The following ARHGAP22 variants were observed in gnomAD, a reference collection of about 807,000 sequenced individuals.
ARHGAP22 encodes the protein rho GTPase-activating protein 22.
ARHGAP22 carries 48 observed loss-of-function variants against 59.1 expected under a neutral mutation model. The ratio of observed to expected loss-of-function variants is 0.81; its 90% confidence interval spans 0.64 to 1.03. The LOEUF is 1.03. Ranked by LOEUF, ARHGAP22 falls within the 50% of genes least tolerant of loss-of-function variation. The pLI, the probability that ARHGAP22 is intolerant of heterozygous loss-of-function variation, is 0.00. For missense variants in ARHGAP22, 1,015 were observed against 958.7 expected (o/e 1.06, Z -0.78); for synonymous variants, 445 against 416.4 (o/e 1.07, Z -0.84).
rs1173999797 is a variant in ARHGAP22 at position 48,451,047 on chromosome 10, C to T, written c.1082G>A (p.Arg361His). ...APVPEGPTSP[R>H]GGLQCAVGWG... is the part of the protein sequence containing the mutation. ...CCCCACTGCGCATTGCAGGCCCCCG[C>T]GCGGGGAGGTGGGCCCTTCCGGGAC... Residue 361 changes from arginine to histidine, a missense_variant, in exon 9 of 10, where the codon CGC (arginine) becomes CAC (histidine). Arg to His is a conservative substitution (Grantham distance 29). Coordinates refer to ENST00000249601, the MANE Select transcript of ARHGAP22 (RefSeq NM_021226.4). 1.2e-5 allele frequency: 19 copies of T among 1,552,414 alleles called. No homozygotes were observed. Among genetic ancestry groups the T allele is most frequent in the Non-Finnish European group, 1.7e-5 (19 of 1,148,072 alleles).
chr10:48,459,062 G>T (rs971438081), intron 5 of ARHGAP22, among the ~76,000 whole-genome samples: 6 of 152,170 alleles, frequency 3.9e-5, no homozygotes, highest in Non-Finnish European at 8.8e-5. Context: ...AGAACTCTAT[G>T]AAAAAACTGC....
intron 4 of ARHGAP22, among the ~76,000 whole-genome samples, chr10:48,474,426 T>C (rs1393398310): frequency 6.6e-6 from 1 of 152,226 alleles, no homozygotes; most frequent in East Asian, 1.9e-4. Context: ...CTTCATTTTA[T>C]TTCATTTTCT....
chr10:48,453,250 G>C, intron 8 of ARHGAP22, 54 bp downstream of exon 8: 1 of 1,608,370 alleles, frequency 6.2e-7, no homozygotes, highest in South Asian at 1.1e-5. Flanking sequence ...CGTGGACCAA[G>C]ATGAGCCCAG....
At chr10:48,505,914 A>C (rs902272928) in intron 3 of ARHGAP22, among the ~76,000 whole-genome samples, 2 of 152,208 alleles carry the variant, frequency 1.3e-5, no homozygotes, top group African/African-American at 4.8e-5. Context: ...CTACCGGCCC[A>C]ATACTCCGTA....
intron 3 of ARHGAP22, among the ~76,000 whole-genome samples, chr10:48,508,462 T>A (rs1414306040): frequency 6.6e-6 from 1 of 152,188 alleles, no homozygotes; most frequent in African/African-American, 2.4e-5. Context: ...GGGGGTCCCA[T>A]CAGCCACTCC....
intron 3 of ARHGAP22, among the ~76,000 whole-genome samples, chr10:48,488,771 G>C (rs1440459826): frequency 6.6e-6 from 1 of 152,240 alleles, no homozygotes; most frequent in Non-Finnish European, 1.5e-5. Context: ...ACCTGGGGTA[G>C]TTTTCCTCAT....
At position 48,450,813 on chromosome 10, in the gene ARHGAP22, G is replaced by A. The variant is rs1406003309; in HGVS notation, c.1316C>T (p.Ser439Leu). ...TGAGCCGCCCCCCTTCGGGCTTCCC[G>A]ATAGGGACCTCGGCTGCCGGAAGGA... ...KSSFRQPRSL[S>L]GSPKGGGSSL... The change falls in exon 9 of 10, where the codon TCG becomes TTG. Residue 439 changes from serine (S) to leucine (L), a missense_variant. By Grantham distance (145) the Ser-to-Leu change is moderately radical. Transcript: ENST00000249601. 3 of 1,583,028 alleles carry A rather than the reference G, an allele frequency of 1.9e-6. No individual in the cohort carries two copies. Among genetic ancestry groups the A allele is most frequent in the African/African-American group, 1.3e-5 (1 of 74,274 alleles).
At chr10:48,603,638 T>C (rs960792783) in intron 1 of ARHGAP22, among the ~76,000 whole-genome samples, 1 of 152,238 alleles carries the variant, frequency 6.6e-6, no homozygotes, top group Non-Finnish European at 1.5e-5. Flanking sequence ...GTCCTATCCC[T>C]TGGGTCATCA....
At position 48,451,037 on chromosome 10, in the gene ARHGAP22, C is replaced by G; in HGVS notation, c.1092G>C (p.Leu364=). ...PEGPTSPRGG[L]QCAVGWGSEE... ...CGGAGCCCCACCCCACTGCGCATTG[C>G]AGGCCCCCGCGCGGGGAGGTGGGCC... Residue 364 remains leucine (L), a synonymous_variant, in exon 9 of 10, where the codon CTG becomes CTC. Transcript: ENST00000249601. 1 of 1,553,054 alleles carries G rather than the reference C, an allele frequency of 6.4e-7. No homozygotes were observed. Among genetic ancestry groups the G allele is most frequent in the Non-Finnish European group, 8.7e-7 (1 of 1,148,414 alleles).
intron 4 of ARHGAP22, among the ~76,000 whole-genome samples, chr10:48,472,269 A>G (rs2048305709): frequency 6.6e-6 from 1 of 151,574 alleles, no homozygotes; most frequent in Non-Finnish European, 1.5e-5. Context: ...CATGCCTGTA[A>G]TCCCAGCACT....
intron 3 of ARHGAP22, among the ~76,000 whole-genome samples, chr10:48,526,491 C>G (rs772298094): frequency 6.6e-6 from 1 of 152,210 alleles, no homozygotes; most frequent in Non-Finnish European, 1.5e-5. Context: ...GACCTGACTT[C>G]TGGTTGCTGC....
chr10:48,606,022 C>A (rs1377009649), upstream of ARHGAP22, among the ~76,000 whole-genome samples: 1 of 152,162 alleles, frequency 6.6e-6, no homozygotes, highest in East Asian at 1.9e-4. Context: ...CGGTGACCTG[C>A]CTCTGTGCCC....
chr10:48,451,453 G>A (rs1232194031), intron 8 of ARHGAP22: 3 of 702,722 alleles, frequency 4.3e-6, no homozygotes, highest in Non-Finnish European at 7.8e-6. Flanking sequence ...TGCACGGTGA[G>A]CAGGTGGCAG....
intron 8 of ARHGAP22, 45 bp downstream of exon 8, chr10:48,453,259 A>G (rs1000775754): frequency 4.3e-6 from 7 of 1,610,018 alleles, no homozygotes; most frequent in Non-Finnish European, 5.9e-6. Flanking sequence ...AGATGAGCCC[A>G]GACCCCGGCA....
intron 1 of ARHGAP22, among the ~76,000 whole-genome samples, chr10:48,628,054 C>T (rs1419326310): frequency 6.6e-6 from 1 of 152,244 alleles, no homozygotes; most frequent in Admixed American, 6.5e-5. Flanking sequence ...GCTGGCATCA[C>T]AGGGACAGAC....
At chr10:48,567,807 C>G (rs553295396) in intron 2 of ARHGAP22, among the ~76,000 whole-genome samples, 3 of 151,644 alleles carry the variant, frequency 2.0e-5, no homozygotes, top group East Asian at 1.9e-4. Context: ...TCTGGCCCAC[C>G]ACAGACATTA....
intron 2 of ARHGAP22, among the ~76,000 whole-genome samples, chr10:48,573,582 C>A (rs1203676684): frequency 6.6e-6 from 1 of 152,248 alleles, no homozygotes. Context: ...TTTTCTAGAT[C>A]TGCAACTTCC....
At chr10:48,543,115 A>G (rs764448108) in intron 3 of ARHGAP22, among the ~76,000 whole-genome samples, 1 of 152,122 alleles carries the variant, frequency 6.6e-6, no homozygotes, top group Non-Finnish European at 1.5e-5. Context: ...CATGTGCCCA[A>G]GGGGACACAC....
the ARHGAP22 span, among the ~76,000 whole-genome samples, chr10:48,440,804 A>G: frequency 2.3e-4 from 35 of 152,350 alleles, no homozygotes; most frequent in Admixed American, 9.8e-4. Context: ...CACTGCCAAG[A>G]GAAGCAAGTG....
Sources: gnomAD v4.1 joint callset for allele counts (sites outside exome capture counted in the v4.1 genomes callset) on GRCh38, gnomAD v4.1.1 for gene constraint, MANE v1.5 for transcripts, NCBI Gene and HGNC (gene_info 2026-07-23, HGNC 2026-07-21) for gene names.